LRRC1: variants seen among roughly 807,000 people sequenced by gnomAD.
LRRC1 encodes leucine rich repeat containing 1, also known as leucine-rich repeat-containing protein 1.
Under a neutral mutation model 69.9 loss-of-function variants are expected in LRRC1, and 28 were observed. The ratio of observed to expected loss-of-function variants is 0.40; its 90% CI spans 0.30 to 0.55. The LOEUF (loss-of-function observed/expected upper bound fraction) is 0.55. LRRC1 is among the 20% of genes least tolerant of loss of function. The probability of loss-of-function intolerance (pLI) is 0.47; values close to 1 mark genes in which losing one functional copy is unlikely to be tolerated. For synonymous variants in LRRC1, 236 were observed against 240.2 expected, an observed-to-expected ratio of 0.98 and a Z score of 0.16; for missense variants, 498 against 609.0, an observed-to-expected ratio of 0.82 and a Z score of 1.92.
intron 2 of LRRC1, among the ~76,000 whole-genome samples, chr6:53,849,604 C>T (rs909658257): frequency 2.6e-5 from 4 of 152,166 alleles, no homozygotes; most frequent in Non-Finnish European, 5.9e-5. Flanking sequence ...CTGCAAACAG[C>T]GCTCTCCTCT....
intron 2 of LRRC1, among the ~76,000 whole-genome samples, chr6:53,875,843 A>T (rs1319237462): frequency 6.6e-6 from 1 of 152,224 alleles, no homozygotes; most frequent in Non-Finnish European, 1.5e-5. Context: ...GTGTAATTAC[A>T]AGGTAATTAG....
At chr6:53,837,441 G>A (rs1338482344) in intron 1 of LRRC1, among the ~76,000 whole-genome samples, 1 of 152,154 alleles carries the variant, frequency 6.6e-6, no homozygotes, top group African/African-American at 2.4e-5. Flanking sequence ...GATGGTATGA[G>A]AGTTATGTAG....
At chr6:53,895,562 C>T (rs867784385) in intron 4 of LRRC1, among the ~76,000 whole-genome samples, 1 of 145,312 alleles carries the variant, frequency 6.9e-6, no homozygotes, top group South Asian at 2.1e-4. Context: ...CTGGATGTTA[C>T]TATGGTGATA....
At chr6:53,867,239 T>A (rs1226960504) in intron 2 of LRRC1, among the ~76,000 whole-genome samples, 2 of 152,120 alleles carry the variant, frequency 1.3e-5, no homozygotes, top group Non-Finnish European at 2.9e-5. Flanking sequence ...GTGTTGAGAA[T>A]TGTGCCTCAC....
intron 2 of LRRC1, among the ~76,000 whole-genome samples, chr6:53,851,648 G>A (rs562807041): frequency 2.7e-4 from 41 of 152,152 alleles, no homozygotes; most frequent in Middle Eastern, 3.4e-3. Flanking sequence ...GCATCCTGTG[G>A]TGCAGTGAAA....
chr6:53,870,372 A>G (rs1766842907), intron 2 of LRRC1, among the ~76,000 whole-genome samples: 1 of 152,070 alleles, frequency 6.6e-6, no homozygotes, highest in African/African-American at 2.4e-5. Context: ...TTTTTCGTTG[A>G]TAGAGTAGTA....
chr6:53,915,406 C>T (rs1459892690), intron 11 of LRRC1, among the ~76,000 whole-genome samples: 2 of 152,082 alleles, frequency 1.3e-5, no homozygotes, highest in East Asian at 1.9e-4. Flanking sequence ...AACTGGTTGC[C>T]GGAAACCCAG....
At chr6:53,862,416 C>T (rs1766560302) in intron 2 of LRRC1, among the ~76,000 whole-genome samples, 2 of 151,928 alleles carry the variant, frequency 1.3e-5, no homozygotes, top group Non-Finnish European at 1.5e-5. Context: ...TATGAAACCT[C>T]ACATTTAATA....
At chr6:53,834,129 G>A (rs1023786341) in intron 1 of LRRC1, among the ~76,000 whole-genome samples, 6 of 152,068 alleles carry the variant, frequency 3.9e-5, no homozygotes, top group Non-Finnish European at 1.5e-5. Context: ...TTATAAACTT[G>A]TATCAAATTT....
At chr6:53,821,508 C>T (rs1275311514) in intron 1 of LRRC1, among the ~76,000 whole-genome samples, 1 of 152,168 alleles carries the variant, frequency 6.6e-6, no homozygotes, top group East Asian at 1.9e-4. Context: ...GGCTAAGTCA[C>T]CTGGCTCAGG....
At chr6:53,859,156 A>G (rs1052778818) in intron 2 of LRRC1, among the ~76,000 whole-genome samples, 46 of 152,296 alleles carry the variant, frequency 3.0e-4, no homozygotes, top group African/African-American at 1.0e-3. Context: ...TAGGTTTGAA[A>G]GGGAAGATAG....
intron 2 of LRRC1, among the ~76,000 whole-genome samples, chr6:53,842,584 G>T (rs543904287): frequency 6.6e-6 from 1 of 152,172 alleles, no homozygotes; most frequent in African/African-American, 2.4e-5. Context: ...TAGAGAGTGG[G>T]CTGGGCAATC....
At chr6:53,821,065 G>A (rs931205985) in intron 1 of LRRC1, among the ~76,000 whole-genome samples, 7 of 152,134 alleles carry the variant, frequency 4.6e-5, no homozygotes, top group African/African-American at 1.7e-4. Context: ...CTTACACCAC[G>A]CTTTCTTTGA....
chr6:53,825,313 A>G (rs1765226146), intron 1 of LRRC1, among the ~76,000 whole-genome samples: 1 of 152,218 alleles, frequency 6.6e-6, no homozygotes, highest in Non-Finnish European at 1.5e-5. Context: ...ATCTTTGAAA[A>G]GTGACCAAGT....
intron 12 of LRRC1, 70 bp downstream of exon 12, chr6:53,919,740 G>C (rs1768682340): frequency 2.2e-6 from 3 of 1,369,866 alleles, no homozygotes; most frequent in East Asian, 2.4e-5. Context: ...TGTCCATAAG[G>C]CCTCTTACTC....
chr6:53,917,058 A>C (rs993706165), intron 11 of LRRC1, among the ~76,000 whole-genome samples: 1 of 152,234 alleles, frequency 6.6e-6, no homozygotes, highest in Admixed American at 6.5e-5. Context: ...TGTAGTGTAC[A>C]GAAGGTACCA....
intron 2 of LRRC1, among the ~76,000 whole-genome samples, chr6:53,858,396 T>G (rs1766387514): frequency 6.6e-6 from 1 of 152,206 alleles, no homozygotes; most frequent in Non-Finnish European, 1.5e-5. Flanking sequence ...TTGCCAATGT[T>G]GGTGTCACAC....
intron 2 of LRRC1, among the ~76,000 whole-genome samples, chr6:53,872,446 TCTATGC>T (rs1429267935): frequency 6.6e-6 from 1 of 152,194 alleles, no homozygotes; most frequent in Admixed American, 6.5e-5. Context: ...TGTATCAGTT[TCTATGC>T]TAGTACCATA....
chr6:53,855,234 T>G (rs1333782924), intron 2 of LRRC1, among the ~76,000 whole-genome samples: 2 of 152,220 alleles, frequency 1.3e-5, no homozygotes, highest in Admixed American at 1.3e-4. Flanking sequence ...CTTATAGAGG[T>G]GCTTGGTGAA....
Sources: gnomAD v4.1 joint callset for allele counts (sites outside exome capture counted in the v4.1 genomes callset) on GRCh38, gnomAD v4.1.1 for gene constraint, MANE v1.5 for transcripts, NCBI Gene and HGNC (gene_info 2026-07-23, HGNC 2026-07-21) for gene names.